The following SMURF2 variants were observed in gnomAD, a reference collection of about 807,000 sequenced individuals.
The protein encoded by SMURF2 is E3 ubiquitin-protein ligase SMURF2.
A neutral mutation model predicts 109.6 loss-of-function variants in SMURF2; 48 were observed. The observed-to-expected ratio is 0.44, with a 90% CI of 0.35 to 0.56. SMURF2 has a LOEUF of 0.56. Among genes scored for constraint, SMURF2 ranks in the 20% least tolerant of loss-of-function variants. The probability of loss-of-function intolerance (pLI) is 0.01; values close to 1 mark genes in which losing one functional copy is unlikely to be tolerated. For synonymous variants in SMURF2, 288 were observed against 317.1 expected, an observed-to-expected ratio of 0.91 and a Z score of 0.97; for missense variants, 575 against 909.0, an observed-to-expected ratio of 0.63 and a Z score of 4.72.
intron 10 of SMURF2, 110 bp from the exon 11 acceptor site, chr17:64,563,076 C>T (rs1331421738): frequency 9.9e-7 from 1 of 1,008,608 alleles, no homozygotes; most frequent in Non-Finnish European, 1.4e-6. Flanking sequence ...TATCATTTTC[C>T]AAGCCTTAGT....
chr17:64,578,902 G>C (rs1173725056), intron 8 of SMURF2, among the ~76,000 whole-genome samples: 1 of 152,310 alleles, frequency 6.6e-6, no homozygotes, highest in Non-Finnish European at 1.5e-5. Context: ...AAGGCTCTGA[G>C]AAAGAGGCTG....
At chr17:64,654,931 C>T (rs892616502) in intron 1 of SMURF2, among the ~76,000 whole-genome samples, 11 of 151,992 alleles carry the variant, frequency 7.2e-5, no homozygotes, top group African/African-American at 2.7e-4. Context: ...CCCATCTTGG[C>T]CTCCCAAAGT....
At chr17:64,617,031 C>T (rs558969928) in intron 1 of SMURF2, among the ~76,000 whole-genome samples, 1 of 137,018 alleles carries the variant, frequency 7.3e-6, no homozygotes, top group East Asian at 2.2e-4. Flanking sequence ...CACACCACTG[C>T]ACTCTAGCCT....
chr17:64,554,171 T>C (rs1969085102), intron 15 of SMURF2, among the ~76,000 whole-genome samples: 1 of 152,232 alleles, frequency 6.6e-6, no homozygotes, highest in Non-Finnish European at 1.5e-5. Context: ...AATTGCCACC[T>C]GTGATAGCTA....
intron 1 of SMURF2, among the ~76,000 whole-genome samples, chr17:64,653,093 G>C (rs1970660458): frequency 6.6e-6 from 1 of 151,868 alleles, no homozygotes; most frequent in South Asian, 2.1e-4. Flanking sequence ...CTTCTCTTTG[G>C]GACATCTTTT....
intron 3 of SMURF2, among the ~76,000 whole-genome samples, chr17:64,596,585 C>CAAAAAAAAAAAA (rs201858792): frequency 1.5e-4 from 7 of 45,428 alleles, no homozygotes; most frequent in Admixed American, 2.3e-4. Flanking sequence ...GGAGAGTAAA[C>CAAAAAAAAAAAA]AAAAAAAAAA....
intron 9 of SMURF2, among the ~76,000 whole-genome samples, chr17:64,577,375 A>T (rs1207223857): frequency 6.6e-6 from 1 of 151,020 alleles, no homozygotes; most frequent in African/African-American, 2.4e-5. Flanking sequence ...GGACACAAGA[A>T]GGGGAACATC....
intron 1 of SMURF2, among the ~76,000 whole-genome samples, chr17:64,611,246 T>C (rs973963870): frequency 6.6e-6 from 1 of 152,188 alleles, no homozygotes; most frequent in South Asian, 2.1e-4. Flanking sequence ...GGGAGAGAGT[T>C]CATAGCTTAA....
chr17:64,550,767 A>AG (rs1969033293), intron 16 of SMURF2, among the ~76,000 whole-genome samples: 1 of 151,632 alleles, frequency 6.6e-6, no homozygotes. Context: ...CAAAAAAAAA[A>AG]AAAAAAAAAA....
At chr17:64,600,620 C>A (rs1379124861) in intron 2 of SMURF2, among the ~76,000 whole-genome samples, 1 of 152,126 alleles carries the variant, frequency 6.6e-6, no homozygotes, top group Non-Finnish European at 1.5e-5. Flanking sequence ...TTCAAAGAAA[C>A]TTGGTAAGTT....
At chr17:64,614,290 A>G (rs1555689928) in intron 1 of SMURF2, among the ~76,000 whole-genome samples, 1 of 152,244 alleles carries the variant, frequency 6.6e-6, no homozygotes, top group Non-Finnish European at 1.5e-5. Context: ...AATTAATTCA[A>G]TTAATTTTCA....
intron 6 of SMURF2, among the ~76,000 whole-genome samples, chr17:64,585,288 T>C (rs1362532873): frequency 7.9e-5 from 12 of 152,208 alleles, no homozygotes; most frequent in Non-Finnish European, 1.6e-4. Flanking sequence ...CTGCCATTTA[T>C]TATGTGGCCT....
At chr17:64,609,628 T>C (rs1555689342) in intron 1 of SMURF2, among the ~76,000 whole-genome samples, 3 of 128,338 alleles carry the variant, frequency 2.3e-5, no homozygotes, top group South Asian at 2.4e-4. Flanking sequence ...TAACTCGAGA[T>C]ACATTAAAGA....
intron 3 of SMURF2, among the ~76,000 whole-genome samples, chr17:64,597,511 G>A (rs1217514265): frequency 1.3e-5 from 2 of 152,174 alleles, no homozygotes; most frequent in African/African-American, 4.8e-5. Flanking sequence ...AGTGGCTCAT[G>A]TCTGTAATCC....
intron 8 of SMURF2, among the ~76,000 whole-genome samples, chr17:64,580,525 C>T (rs1374141168): frequency 2.6e-5 from 4 of 152,224 alleles, no homozygotes; most frequent in Non-Finnish European, 5.9e-5. Context: ...ATGCTTCTCA[C>T]ACTACCTTTG....
At position 64,598,381 on chromosome 17, in the gene SMURF2, C is replaced by T; in HGVS notation, c.200+1G>A. ...ATTTCAAACTAATTGTTGAAACCTA[C>T]AGGTCATAATGCTGATTCCACTTTG... On this transcript the variant is annotated splice_donor_variant, in intron 3 of 18. Coordinates refer to ENST00000262435, the MANE Select transcript of SMURF2 (RefSeq NM_022739.4). LOFTEE classifies it high-confidence loss of function. 1 of 1,585,582 alleles carries T rather than the reference C, an allele frequency of 6.3e-7. No individual in the cohort carries two copies. Among genetic ancestry groups the T allele is most frequent in the Non-Finnish European group, 8.6e-7 (1 of 1,165,080 alleles).
At chr17:64,577,252 T>A (rs1232334558) in intron 9 of SMURF2, among the ~76,000 whole-genome samples, 2 of 151,986 alleles carry the variant, frequency 1.3e-5, no homozygotes, top group South Asian at 2.1e-4. Flanking sequence ...ATGTCCTTTG[T>A]AGGGACATGG....
intron 4 of SMURF2, among the ~76,000 whole-genome samples, chr17:64,592,626 A>C (rs1448384099): frequency 1.3e-5 from 2 of 152,224 alleles, no homozygotes; most frequent in East Asian, 1.9e-4. Context: ...CATCTGGGCT[A>C]AAATCCCATG....
intron 2 of SMURF2, among the ~76,000 whole-genome samples, chr17:64,600,285 G>A (rs1969875852): frequency 6.6e-6 from 1 of 152,116 alleles, no homozygotes; most frequent in South Asian, 2.1e-4. Flanking sequence ...ACAGTTTTCA[G>A]CCCAAAGCAA....
Sources: gnomAD v4.1 joint callset for allele counts (sites outside exome capture counted in the v4.1 genomes callset) on GRCh38, gnomAD v4.1.1 for gene constraint, MANE v1.5 for transcripts, NCBI Gene and HGNC (gene_info 2026-07-23, HGNC 2026-07-21) for gene names.